Variants in TTC19 observed in about 807,000 individuals in gnomAD.
TTC19 encodes tetratricopeptide repeat protein 19, mitochondrial.
TTC19 carries 38 observed loss-of-function variants against 49.5 expected under a neutral mutation model. The ratio of observed to expected loss-of-function variants is 0.77; its 90% CI spans 0.59 to 1.01. The LOEUF (loss-of-function observed/expected upper bound fraction) is 1.01. Among genes scored for constraint, TTC19 ranks in the 50% least tolerant of loss-of-function variants. The pLI is 0.00. For synonymous variants in TTC19, 204 were observed against 185.2 expected (o/e 1.10, Z -0.83); for missense variants, 475 against 477.7 (o/e 0.99, Z 0.05).
Position 15,999,896 on chromosome 17 carries a change from C to T in TTC19, c.48C>T (p.Ala16=). The change falls in exon 1 of 10, where the codon GCC becomes GCT. Residue 16 remains alanine (A), a synonymous_variant. Transcript: ENST00000261647. ...GCCTGGGCCGAGGCTTCCTGCGGGC[C>T]GCGGGGCGGCGGTGCCGGGGCTGCT... is the stretch of plus-strand genomic sequence containing the variant. The part of the protein sequence containing the change: ...SWSLGRGFLR[A]AGRRCRGCSA... 1.4e-6 allele frequency: 2 copies of T among 1,398,556 alleles called. No homozygotes were observed. Among genetic ancestry groups the T allele is most frequent in the South Asian group, 1.6e-5 (1 of 63,128 alleles). 86.6% of individuals were successfully genotyped at this position (1,398,556 alleles called of 1,614,324 possible). A position where few individuals can be genotyped will look rare whatever the true frequency, so the allele number is the denominator to read the frequency against.
intron 7 of TTC19, 85 bp from the exon 8 acceptor site, chr17:16,024,932 C>T (rs1249360839): frequency 4.1e-6 from 5 of 1,217,254 alleles, no homozygotes; most frequent in African/African-American, 3.0e-5. Flanking sequence ...CCCTAAGTGA[C>T]ATGTGGGTCC....
chr17:16,010,446 A>T (rs1217675845), intron 7 of TTC19, among the ~76,000 whole-genome samples: 5 of 150,692 alleles, frequency 3.3e-5, no homozygotes, highest in African/African-American at 4.9e-5. Context: ...TGCTGGGATT[A>T]CAGGTGTGAG....
At chr17:16,036,688 T>C (rs952607123) in intron 2 of TTC19, among the ~76,000 whole-genome samples, 1 of 152,222 alleles carries the variant, frequency 6.6e-6, no homozygotes, top group Non-Finnish European at 1.5e-5. Flanking sequence ...AGCTTCAGCC[T>C]TCTCATCTGT....
chr17:16,034,988 CAAA>C (rs1170287623), intron 2 of TTC19: 1 of 1,551,286 alleles, frequency 6.4e-7, no homozygotes, highest in South Asian at 1.2e-5. Flanking sequence ...ATTAAGTTCT[CAAA>C]AATTACCAAA....
At chr17:16,019,591 A>C (rs1464546823) in intron 7 of TTC19, among the ~76,000 whole-genome samples, 1 of 85,586 alleles carries the variant, frequency 1.2e-5, no homozygotes, top group Admixed American at 9.8e-5. Flanking sequence ...GGTAAGTTGA[A>C]CCTGTTTTTT....
chr17:16,026,435 C>T lies in TTC19; in HGVS notation c.832-105C>T, dbSNP rs1971563149. On this transcript the variant is annotated intron_variant, in intron 8 of 9. Coordinates refer to ENST00000261647, the MANE Select transcript of TTC19 (RefSeq NM_017775.4). ...GGTATCCCTCATCTTTTGTGGAATGCTAGGAAAGATGAAATCTTATGTATT... is the reference window on the plus strand; with the variant it reads ...GGTATCCCTCATCTTTTGTGGAATGTTAGGAAAGATGAAATCTTATGTATT... 21 of 1,073,910 alleles carry T rather than the reference C, an allele frequency of 2.0e-5. No individual in the cohort carries two copies. The East Asian group carries it at 2.0e-4, about 10-fold the overall frequency. The allele number at this position is 1,073,910 out of a possible 1,614,324, so 66.5% of individuals were successfully genotyped here. A position where few individuals can be genotyped will look rare whatever the true frequency, so the allele number is the denominator to read the frequency against.
Position 16,027,672 on chromosome 17 carries a change from C to A in TTC19, c.*150C>A. On this transcript the variant is annotated 3_prime_UTR_variant, in exon 10 of 10. Transcript: ENST00000261647. ...GCCTTAGTGAAGGAGGGGTTGTACACACTGCCATTTTTGTATTTTAAAGGA... is the reference window on the plus strand; with the variant it reads ...GCCTTAGTGAAGGAGGGGTTGTACAAACTGCCATTTTTGTATTTTAAAGGA... The A allele has an allele frequency of 1.2e-6, 1 of 868,246 alleles. No homozygotes were observed. The highest frequency in any genetic ancestry group is 1.9e-6 in the Non-Finnish European group (1 of 536,416). 53.8% of individuals were successfully genotyped at this position (868,246 alleles called of 1,614,324 possible). A position where few individuals can be genotyped will look rare whatever the true frequency, so the allele number is the denominator to read the frequency against.
rs114743601 is a variant in TTC19 at position 16,044,787 on chromosome 17, T to C, written c.*232T>C. ...GCAATGGCCCTGGCCAATGTCAACA[T>C]TGGGAGCCTCATCTACAATGTAGGG... is the stretch of plus-strand genomic sequence containing the variant. On this transcript the variant is annotated 3_prime_UTR_variant, in exon 3 of 3. Transcript: ENST00000470649. The C allele has an allele frequency of 3.1e-3, 3,405 of 1,087,832 alleles. 47 individuals carry two copies. The highest frequency in any genetic ancestry group is 0.031 in the African/African-American group (2,003 of 64,402). The allele number at this position is 1,087,832 out of a possible 1,614,324, so 67.4% of individuals were successfully genotyped here.
intron 2 of TTC19, among the ~76,000 whole-genome samples, chr17:16,042,276 A>G (rs958037149): frequency 6.7e-6 from 1 of 149,558 alleles, no homozygotes; most frequent in African/African-American, 2.5e-5. Context: ...GAGCCCTGTT[A>G]TCATGAAGTG....
intron 2 of TTC19, among the ~76,000 whole-genome samples, chr17:16,042,670 C>T (rs979331582): frequency 1.3e-5 from 2 of 152,188 alleles, no homozygotes; most frequent in African/African-American, 2.4e-5. Flanking sequence ...TGGAGGCCAA[C>T]TTGACAGGAG....
chr17:16,045,015 A>G, exon 3 of TTC19: 1 of 454,230 alleles, frequency 2.2e-6, no homozygotes, highest in East Asian at 4.4e-5. Flanking sequence ...AAAAAAAAGA[A>G]TAAACCAGAC....
At chr17:16,026,732 G>T in intron 9 of TTC19, 30 bp downstream of exon 9, 2 of 1,612,464 alleles carry the variant, frequency 1.2e-6, no homozygotes, top group Non-Finnish European at 1.7e-6. Context: ...TAACTGACTT[G>T]CTTTAAGGGA....
rs765917264 is a variant in TTC19, at chr17:16,029,135, A to C, written c.*1613A>C. 4.4e-6 allele frequency: 2 copies of C among 451,950 alleles called. No individual in the cohort carries two copies. The highest frequency in any genetic ancestry group is 1.6e-5 in the South Asian group (1 of 63,674). 28.0% of individuals were successfully genotyped at this position (451,950 alleles called of 1,614,324 possible). ...ATTGAGAATGTTTTTACCTTTTCAC[A>C]ACTGCAGGGGTTACTGAAAGGTTTT... On this transcript the variant is annotated 3_prime_UTR_variant, in exon 10 of 10. Coordinates refer to ENST00000261647, the MANE Select transcript of TTC19 (RefSeq NM_017775.4).
At chr17:16,014,070 C>A (rs985809472) in intron 7 of TTC19, among the ~76,000 whole-genome samples, 2 of 152,192 alleles carry the variant, frequency 1.3e-5, no homozygotes, top group Admixed American at 1.3e-4. Flanking sequence ...TCCCCATGCT[C>A]CCCTGGTGGT....
At chr17:16,001,641 G>C (rs1218163849) in intron 2 of TTC19, among the ~76,000 whole-genome samples, 2 of 152,214 alleles carry the variant, frequency 1.3e-5, no homozygotes, top group Non-Finnish European at 2.9e-5. Flanking sequence ...AGGACAAGCA[G>C]CTTCCTTATA....
chr17:16,042,867 TA>T (rs2057992498), intron 2 of TTC19, among the ~76,000 whole-genome samples: 1 of 152,194 alleles, frequency 6.6e-6, no homozygotes, highest in Non-Finnish European at 1.5e-5. Flanking sequence ...GATATGTAAG[TA>T]GAGCTTAGTA....
rs1369197821 is a variant in TTC19, at chr17:16,000,864, C to T, written c.312+619C>T. ...CGATCTTTAATGCCTCCTCAACATA[C>T]GCTTTCGCCATCTCTTTACTACCAT... is the stretch of plus-strand genomic sequence containing the variant. On this transcript the variant is annotated intron_variant, in intron 2 of 9. Transcript: ENST00000261647. 1.8e-4 allele frequency among the ~76,000 whole-genome samples: 28 copies of T among 152,178 alleles called. 1 individual carries two copies. Among genetic ancestry groups the T allele is most frequent in the Admixed American group, 1.8e-3 (27 of 15,280 alleles).
In TTC19 at chr17:16,027,747, G is replaced by T; in HGVS notation, c.*225G>T. Reference sequence around the variant, plus strand: ...TTATGACCTTTCAGGATGTCGTCAAGTGATGCTTTCAGTTGTAACACGTGA... The same window carrying T: ...TTATGACCTTTCAGGATGTCGTCAATTGATGCTTTCAGTTGTAACACGTGA... On this transcript the variant is annotated 3_prime_UTR_variant, in exon 10 of 10. Coordinates refer to ENST00000261647, the MANE Select transcript of TTC19 (RefSeq NM_017775.4). 1.6e-6 allele frequency: 1 copy of T among 608,050 alleles called. No homozygotes were observed. Among genetic ancestry groups the T allele is most frequent in the East Asian group, 3.4e-5 (1 of 29,518 alleles). 37.7% of individuals were successfully genotyped at this position (608,050 alleles called of 1,614,324 possible).
At chr17:16,034,737 A>C in intron 2 of TTC19, 2 of 1,569,762 alleles carry the variant, frequency 1.3e-6, no homozygotes, top group Non-Finnish European at 1.7e-6. Context: ...GCTCTGTCTC[A>C]TTTTCTAAGT....
Sources: gnomAD v4.1 joint callset for allele counts (sites outside exome capture counted in the v4.1 genomes callset) on GRCh38, gnomAD v4.1.1 for gene constraint, MANE v1.5 for transcripts, NCBI Gene and HGNC (gene_info 2026-07-23, HGNC 2026-07-21) for gene names.